Variants in GRAMD1B observed in about 807,000 individuals in gnomAD.
The protein encoded by GRAMD1B is GRAM domain containing 1B.
GRAMD1B carries 37 observed loss-of-function variants against 99.7 expected under a neutral mutation model. The ratio of observed to expected loss-of-function variants is 0.37; its 90% CI spans 0.29 to 0.49. The LOEUF is 0.49. GRAMD1B is among the 20% of genes least tolerant of loss of function. GRAMD1B has a pLI of 0.98. For synonymous variants in GRAMD1B, 427 were observed against 387.6 expected (o/e 1.10, Z -1.19); for missense variants, 888 against 1,009.2 (o/e 0.88, Z 1.63).
At chr11:123,575,541 T>A (rs1041099176) in intron 2 of GRAMD1B, among the ~76,000 whole-genome samples, 3 of 152,178 alleles carry the variant, frequency 2.0e-5, no homozygotes, top group Non-Finnish European at 2.9e-5. Context: ...AGGTCCTCGT[T>A]GTTCTAGTAA....
intron 2 of GRAMD1B, among the ~76,000 whole-genome samples, chr11:123,572,179 T>C (rs1948174088): frequency 6.6e-6 from 1 of 152,224 alleles, no homozygotes; most frequent in East Asian, 1.9e-4. Flanking sequence ...TTCTTACATG[T>C]GAAGTTGAGA....
In GRAMD1B at chr11:123,519,538, C is replaced by T. The variant is rs115027546; in HGVS notation, c.452+38645C>T. On this transcript the variant is annotated intron_variant, in intron 2 of 19. Coordinates refer to ENST00000635736, the MANE Select transcript of GRAMD1B (RefSeq NM_001387025.1). ...TGCTCCTTAAATATAACACTCTCAA[C>T]GCCTGATGACTCCCCTGCCTGAGCT... Among the ~76,000 whole-genome samples the T allele has an allele frequency of 4.3e-3, 651 of 152,352 alleles. 2 individuals carry two copies. The highest frequency in any genetic ancestry group is 0.014 in the African/African-American group (595 of 41,584).
chr11:123,397,202 G>A (rs1380101221), intron 1 of GRAMD1B, among the ~76,000 whole-genome samples: 1 of 152,038 alleles, frequency 6.6e-6, no homozygotes, highest in East Asian at 1.9e-4. Flanking sequence ...TCAGGAGTTC[G>A]AGACCAGCCT....
intron 1 of GRAMD1B, among the ~76,000 whole-genome samples, chr11:123,441,646 A>T (rs1949412291): frequency 6.6e-6 from 1 of 151,742 alleles, no homozygotes; most frequent in African/African-American, 2.4e-5. Flanking sequence ...AGAGAAAAAA[A>T]TTAGCCAGGC....
In GRAMD1B at chr11:123,625,974, G is replaced by GAGAGAA. The variant is rs1955488981; in HGVS notation, c.*3384_*3385insAAGAGA. The GAGAGAA allele has an allele frequency of 1.2e-5, 1 of 80,498 alleles. No individual in the cohort carries two copies. The highest frequency in any genetic ancestry group is 5.1e-4 in the South Asian group (1 of 1,960). The allele number at this position is 80,498 out of a possible 1,614,324, so 5.0% of individuals were successfully genotyped here. A position where few individuals can be genotyped will look rare whatever the true frequency, so the allele number is the denominator to read the frequency against. On this transcript the variant is annotated 3_prime_UTR_variant, in exon 20 of 20. Coordinates refer to ENST00000635736, the MANE Select transcript of GRAMD1B (RefSeq NM_001387025.1). ...AGAGAGAGAGAGAGAGAGAGAGAGA[G>GAGAGAA]AGAGAGATCGAGCTTGATGTATTGC...
chr11:123,586,753 C>T (rs1950119798), intron 4 of GRAMD1B, among the ~76,000 whole-genome samples: 1 of 152,236 alleles, frequency 6.6e-6, no homozygotes, highest in Non-Finnish European at 1.5e-5. Flanking sequence ...GCTCCACCTT[C>T]CTGCCTTGCC....
In GRAMD1B at chr11:123,506,939, A is replaced by G. The variant is rs186672633; in HGVS notation, c.452+26046A>G. Among the ~76,000 whole-genome samples, 371 of 152,320 alleles carry G rather than the reference A, an allele frequency of 2.4e-3. 3 individuals carry two copies. The highest frequency in any genetic ancestry group is 3.9e-3 in the Admixed American group (60 of 15,304). The stretch of plus-strand genomic sequence containing the variant: ...TCTCCCTCCTGCTTTGAGTTCAGAC[A>G]TATGAATCTCTGTGTAATACACATA... On this transcript the variant is annotated intron_variant, in intron 2 of 19. Transcript: ENST00000635736.
chr11:123,556,676 C>T (rs1274059115), intron 2 of GRAMD1B, among the ~76,000 whole-genome samples: 2 of 152,176 alleles, frequency 1.3e-5, no homozygotes, highest in East Asian at 3.9e-4. Flanking sequence ...CCACTTTTAC[C>T]TCAATTTCCT....
chr11:123,609,597 A>C (rs1019579086), intron 12 of GRAMD1B, among the ~76,000 whole-genome samples, 198 bp from the exon 13 acceptor site: 1 of 152,060 alleles, frequency 6.6e-6, no homozygotes, highest in African/African-American at 2.4e-5. Flanking sequence ...AATTTTGACA[A>C]TGCTACAATG....
chr11:123,542,045 A>G lies in GRAMD1B; in HGVS notation c.453-35322A>G, dbSNP rs142334141. The stretch of plus-strand genomic sequence containing the variant: ...GTCGACCACTTCCCATCACTCCCCC[A>G]TATTTTTCATTAGCTTTTCTAAAAT... On this transcript the variant is annotated intron_variant, in intron 2 of 19. Transcript: ENST00000635736. Among the ~76,000 whole-genome samples, 397 of 152,252 alleles carry G rather than the reference A, an allele frequency of 2.6e-3. 1 individual carries two copies. Among genetic ancestry groups the G allele is most frequent in the African/African-American group, 9.2e-3 (384 of 41,546 alleles).
chr11:123,397,988 A>G (rs1947527772), intron 1 of GRAMD1B, among the ~76,000 whole-genome samples: 1 of 152,166 alleles, frequency 6.6e-6, no homozygotes, highest in Non-Finnish European at 1.5e-5. Flanking sequence ...TCACCTGTAG[A>G]CGGACTTTTG....
chr11:123,522,162 C>T (rs942315603), intron 2 of GRAMD1B, among the ~76,000 whole-genome samples: 11 of 152,132 alleles, frequency 7.2e-5, no homozygotes, highest in Non-Finnish European at 1.2e-4. Context: ...GATTTATTGG[C>T]CAGGAACTTT....
intron 2 of GRAMD1B, among the ~76,000 whole-genome samples, chr11:123,524,674 G>A (rs925884096): frequency 5.9e-5 from 9 of 152,088 alleles, no homozygotes; most frequent in African/African-American, 2.2e-4. Flanking sequence ...CACTTTAGAG[G>A]GTCAAGTATA....
At chr11:123,563,361 T>C (rs1341007122) in intron 2 of GRAMD1B, among the ~76,000 whole-genome samples, 2 of 152,052 alleles carry the variant, frequency 1.3e-5, no homozygotes, top group African/African-American at 4.8e-5. Flanking sequence ...CTTCAGAGAA[T>C]AGGTTTAAGG....
At chr11:123,570,974 A>AG (rs932797259) in intron 2 of GRAMD1B, among the ~76,000 whole-genome samples, 1 of 152,038 alleles carries the variant, frequency 6.6e-6, no homozygotes, top group African/African-American at 2.4e-5. Flanking sequence ...AGGTGTGGGG[A>AG]GGGGGGCTGA....
At chr11:123,360,768 T>TTTCC (rs35477196) in intron 1 of GRAMD1B, among the ~76,000 whole-genome samples, 6,364 of 70,140 alleles carry the variant, frequency 0.091, 581 homozygotes, top group Non-Finnish European at 0.11. Flanking sequence ...TCCTTCCTTC[T>TTTCC]TTCCTTCCTT....
At chr11:123,367,446 G>A (rs1387910850) in intron 1 of GRAMD1B, among the ~76,000 whole-genome samples, 2 of 152,196 alleles carry the variant, frequency 1.3e-5, no homozygotes, top group Non-Finnish European at 2.9e-5. Flanking sequence ...GGTTATATTT[G>A]AGCTGGGTTC....
chr11:123,527,460 A>C (rs1942909672), intron 2 of GRAMD1B, among the ~76,000 whole-genome samples: 1 of 152,208 alleles, frequency 6.6e-6, no homozygotes, highest in Non-Finnish European at 1.5e-5. Context: ...GCGAGTTCCC[A>C]GGAGGTGATG....
intron 19 of GRAMD1B, chr11:123,619,615 A>C: frequency 1.1e-5 from 9 of 808,572 alleles, no homozygotes; most frequent in Non-Finnish European, 1.5e-5. Flanking sequence ...TCAAATGTTT[A>C]CCGCCCCCTC....
Sources: allele counts gnomAD v4.1 joint callset (sites outside exome capture counted in the v4.1 genomes callset), GRCh38; gene constraint gnomAD v4.1.1; transcripts MANE v1.5; gene names NCBI Gene and HGNC (gene_info 2026-07-23, HGNC 2026-07-21).